Variants in CADPS2 observed in about 807,000 individuals in gnomAD.
CADPS2 encodes the protein calcium dependent secretion activator 2, also known as calcium-dependent secretion activator 2.
Under a neutral mutation model 172.5 loss-of-function variants are expected in CADPS2, and 93 were observed. The observed-to-expected ratio is 0.54, with a 90% confidence interval of 0.46 to 0.64. The LOEUF is 0.64. Ranked by LOEUF, CADPS2 falls within the 30% of genes least tolerant of loss-of-function variation. CADPS2 has a pLI of 0.00. For missense variants in CADPS2, 1,420 were observed against 1,565.9 expected, an observed-to-expected ratio of 0.91 and a Z score of 1.57; for synonymous variants, 546 against 555.2, an observed-to-expected ratio of 0.98 and a Z score of 0.23.
chr7:122,684,896 GA>G (rs967161473), intron 2 of CADPS2, among the ~76,000 whole-genome samples: 1 of 151,364 alleles, frequency 6.6e-6, no homozygotes, highest in Admixed American at 6.6e-5. Flanking sequence ...AGTAAAAATG[GA>G]AAAAAAAGTC....
At chr7:122,516,721 A>C (rs2130916683) in intron 8 of CADPS2, among the ~76,000 whole-genome samples, 1 of 152,300 alleles carries the variant, frequency 6.6e-6, no homozygotes, top group African/African-American at 2.4e-5. Context: ...GTTTTAAAAA[A>C]GCAGTCATAC....
In CADPS2 at chr7:122,782,322, A is replaced by C. The variant is rs1253290997; in HGVS notation, c.340-45254T>G. ...ATCCATTTGCTAAAATCTTCATAGA[A>C]TTGTTAAATAACAGTATAGTTCAGT... On this transcript the variant is annotated intron_variant, in intron 1 of 29. Transcript: ENST00000449022. 2.0e-5 allele frequency among the ~76,000 whole-genome samples: 3 copies of C among 152,110 alleles called. No homozygotes were observed. In the East Asian group the frequency reaches 5.8e-4, roughly 29 times the overall value.
intron 12 of CADPS2, 102 bp from the exon 13 acceptor site, chr7:122,474,619 T>C: frequency 1.9e-6 from 2 of 1,073,004 alleles, no homozygotes; most frequent in East Asian, 2.6e-5. Flanking sequence ...AGCAGAAGAC[T>C]ACCTTTTATC....
At chr7:122,856,837 A>T (rs1815382999) in intron 1 of CADPS2, among the ~76,000 whole-genome samples, 1 of 152,260 alleles carries the variant, frequency 6.6e-6, no homozygotes, top group Non-Finnish European at 1.5e-5. Context: ...TGATTTCAAG[A>T]TTAGCAATGC....
chr7:122,540,755 T>C (rs970643303), intron 8 of CADPS2, among the ~76,000 whole-genome samples: 3 of 152,128 alleles, frequency 2.0e-5, no homozygotes, highest in African/African-American at 7.2e-5. Context: ...CACTTTCTTC[T>C]TTCTTCTCCT....
At chr7:122,532,982 C>A (rs1218087047) in intron 8 of CADPS2, among the ~76,000 whole-genome samples, 1 of 151,922 alleles carries the variant, frequency 6.6e-6, no homozygotes, top group African/African-American at 2.4e-5. Flanking sequence ...GTGCTTTGCC[C>A]ATAACATACT....
chr7:122,740,340 T>C (rs2092396623), intron 1 of CADPS2, among the ~76,000 whole-genome samples: 1 of 152,156 alleles, frequency 6.6e-6, no homozygotes, highest in Admixed American at 6.6e-5. Context: ...TAAACTCGGG[T>C]ACGTCCAACA....
intron 7 of CADPS2, among the ~76,000 whole-genome samples, chr7:122,572,750 T>C (rs910681773): frequency 1.3e-5 from 2 of 152,174 alleles, no homozygotes; most frequent in Admixed American, 1.3e-4. Context: ...ATCTTCATTA[T>C]GATAAACTAT....
At chr7:122,561,193 T>C (rs1277121706) in intron 7 of CADPS2, among the ~76,000 whole-genome samples, 2 of 152,148 alleles carry the variant, frequency 1.3e-5, no homozygotes, top group Non-Finnish European at 2.9e-5. Context: ...TTCCATGGGC[T>C]AAATTGAGTT....
chr7:122,795,516 A>G (rs1796177161), intron 1 of CADPS2, among the ~76,000 whole-genome samples: 2 of 152,150 alleles, frequency 1.3e-5, no homozygotes, highest in South Asian at 4.1e-4. Flanking sequence ...CTTATCCACC[A>G]TGATCAAGCC....
intron 28 of CADPS2, chr7:122,330,746 A>G (rs994609843): frequency 6.6e-6 from 1 of 152,288 alleles, no homozygotes; most frequent in African/African-American, 2.4e-5. Context: ...GTGGGGGAAG[A>G]GAAGAGACTT....
intron 2 of CADPS2, among the ~76,000 whole-genome samples, chr7:122,683,174 A>T (rs901856811): frequency 2.9e-4 from 44 of 152,182 alleles, no homozygotes; most frequent in African/African-American, 1.0e-3. Flanking sequence ...TGGTGCAGGA[A>T]GAAGGTGATC....
chr7:122,673,813 G>A (rs1376747117), intron 2 of CADPS2, among the ~76,000 whole-genome samples: 13 of 151,382 alleles, frequency 8.6e-5, no homozygotes, highest in Admixed American at 6.6e-4. Context: ...CCGTGCACTG[G>A]CACTCCTCAA....
At chr7:122,524,516 G>A (rs865960406) in intron 8 of CADPS2, among the ~76,000 whole-genome samples, 36 of 152,100 alleles carry the variant, frequency 2.4e-4, no homozygotes, top group Admixed American at 2.2e-3. Context: ...GAAAAAGAAT[G>A]GCAAATAAAT....
At chr7:122,730,433 T>C (rs1038368898) in intron 2 of CADPS2, among the ~76,000 whole-genome samples, 159 of 151,886 alleles carry the variant, frequency 1.0e-3, no homozygotes, top group African/African-American at 3.8e-3. Context: ...GTAATTCTAC[T>C]TGCAGAAATT....
At chr7:122,324,477 G>A (rs2033391030) in intron 29 of CADPS2, among the ~76,000 whole-genome samples, 1 of 152,084 alleles carries the variant, frequency 6.6e-6, no homozygotes, top group South Asian at 2.1e-4. Flanking sequence ...ATAGATTACT[G>A]GGTTCCACCC....
intron 7 of CADPS2, among the ~76,000 whole-genome samples, chr7:122,566,807 T>C (rs1249354418): frequency 6.6e-6 from 1 of 152,154 alleles, no homozygotes; most frequent in African/African-American, 2.4e-5. Flanking sequence ...CTAGCATAAC[T>C]TTGCATAGGA....
chr7:122,336,174 G>T (rs2035822244), intron 28 of CADPS2, among the ~76,000 whole-genome samples: 1 of 152,272 alleles, frequency 6.6e-6, no homozygotes, highest in East Asian at 1.9e-4. Flanking sequence ...TAGTTCTGCT[G>T]GTTCCTTACA....
intron 1 of CADPS2, among the ~76,000 whole-genome samples, chr7:122,864,899 A>G (rs1817891809): frequency 6.6e-6 from 1 of 152,132 alleles, no homozygotes. Flanking sequence ...GACCAGAGAG[A>G]ACCATTTCTT....
Sources: allele counts gnomAD v4.1 joint callset (sites outside exome capture counted in the v4.1 genomes callset), GRCh38; gene constraint gnomAD v4.1.1; transcripts MANE v1.5; gene names NCBI Gene and HGNC (gene_info 2026-07-23, HGNC 2026-07-21).